CNTNAP2: variants seen among roughly 807,000 people sequenced by gnomAD.
The protein encoded by CNTNAP2 is contactin-associated protein-like 2.
Under a neutral mutation model 155.2 loss-of-function variants are expected in CNTNAP2, and 98 were observed. The ratio of observed to expected loss-of-function variants is 0.63; its 90% CI spans 0.54 to 0.75. CNTNAP2 has a LOEUF of 0.75. CNTNAP2 is among the 30% of genes least tolerant of loss of function. The pLI is 0.00. For synonymous variants in CNTNAP2, 651 were observed against 631.2 expected (o/e 1.03, Z -0.47); for missense variants, 1,727 against 1,688.1 (o/e 1.02, Z -0.40).
intron 13 of CNTNAP2, among the ~76,000 whole-genome samples, chr7:147,675,971 T>C (rs1279977726): frequency 1.3e-5 from 2 of 152,110 alleles, no homozygotes; most frequent in African/African-American, 4.8e-5. Context: ...TTGTATTAGA[T>C]AATAGCGTGC....
intron 17 of CNTNAP2, among the ~76,000 whole-genome samples, chr7:148,157,190 A>G (rs1208182433): frequency 1.3e-5 from 2 of 152,202 alleles, no homozygotes; most frequent in African/African-American, 4.8e-5. Context: ...AACCAATGGG[A>G]AACCTCTAGA....
intron 11 of CNTNAP2, among the ~76,000 whole-genome samples, chr7:147,488,245 A>G (rs4726875): frequency 0.62 from 93,541 of 152,048 alleles, 29,067 homozygotes; most frequent in African/African-American, 0.69. Flanking sequence ...TGCGAAATCA[A>G]TGACCACATT....
At chr7:148,067,912 G>A (rs1012214977) in intron 15 of CNTNAP2, among the ~76,000 whole-genome samples, 4 of 152,088 alleles carry the variant, frequency 2.6e-5, no homozygotes, top group African/African-American at 7.2e-5. Flanking sequence ...TGTCATATAG[G>A]TTTCCAGGGA....
chr7:148,126,676 G>A (rs926590824), intron 16 of CNTNAP2, among the ~76,000 whole-genome samples: 8 of 152,158 alleles, frequency 5.3e-5, no homozygotes, highest in African/African-American at 1.9e-4. Context: ...GAAGACAAGA[G>A]GTGAAATGGA....
At chr7:147,966,937 TA>T (rs1801225195) in intron 14 of CNTNAP2, among the ~76,000 whole-genome samples, 1 of 152,078 alleles carries the variant, frequency 6.6e-6, no homozygotes, top group African/African-American at 2.4e-5. Context: ...ATTTATTGGT[TA>T]TAAATAACGC....
chr7:147,738,484 A>C (rs1019618026), intron 13 of CNTNAP2, among the ~76,000 whole-genome samples: 1 of 152,192 alleles, frequency 6.6e-6, no homozygotes, highest in Non-Finnish European at 1.5e-5. Context: ...AAGTCATCAA[A>C]ATAGAGGCAA....
intron 15 of CNTNAP2, among the ~76,000 whole-genome samples, chr7:148,042,230 G>C (rs1187686167): frequency 6.6e-6 from 1 of 152,228 alleles, no homozygotes; most frequent in African/African-American, 2.4e-5. Flanking sequence ...GTAGCATTAA[G>C]TAGAGTCACG....
intron 15 of CNTNAP2, among the ~76,000 whole-genome samples, chr7:148,006,316 C>CTTTTTTTTTTTTTTTTTTTTTTTTTT (rs68011639): frequency 8.4e-6 from 1 of 118,990 alleles, no homozygotes; most frequent in Non-Finnish European, 1.8e-5. Flanking sequence ...ATAGGAAGTT[C>CTTTTTTTTTTTTTTTTTTTTTTTTTT]TTTTTTTTTT....
At chr7:147,080,435 T>G (rs1237970355) in intron 4 of CNTNAP2, among the ~76,000 whole-genome samples, 1 of 152,024 alleles carries the variant, frequency 6.6e-6, no homozygotes, top group Non-Finnish European at 1.5e-5. Flanking sequence ...GTTGATTAAG[T>G]GAAGAGACTT....
intron 21 of CNTNAP2, among the ~76,000 whole-genome samples, chr7:148,305,074 T>C (rs564908276): frequency 3.4e-5 from 5 of 145,228 alleles, no homozygotes; most frequent in Admixed American, 2.1e-4. Flanking sequence ...AAAAAAGACA[T>C]TAACTTGGTA....
intron 15 of CNTNAP2, among the ~76,000 whole-genome samples, chr7:148,103,738 T>G (rs1458095184): frequency 6.6e-6 from 1 of 152,202 alleles, no homozygotes; most frequent in Non-Finnish European, 1.5e-5. Flanking sequence ...TCATTTCCGT[T>G]TGGATGCACT....
Position 146,570,122 on chromosome 7 carries a change from T to C in CNTNAP2, c.98-204149T>C, listed in dbSNP as rs578183950. ...AGTTCTCTTTGCCCTATTTCAGCAC[T>C]GTTTGTACATAAATACACCTTATTA... On this transcript the variant is annotated intron_variant, in intron 1 of 23. Transcript: ENST00000361727. Among the ~76,000 whole-genome samples, 243 of 152,306 alleles carry C rather than the reference T, an allele frequency of 1.6e-3. 1 individual carries two copies. The highest frequency in any genetic ancestry group is 2.6e-3 in the Non-Finnish European group (174 of 68,018).
intron 13 of CNTNAP2, among the ~76,000 whole-genome samples, chr7:147,766,518 C>T (rs1356106146): frequency 3.3e-5 from 5 of 152,088 alleles, no homozygotes; most frequent in African/African-American, 9.6e-5. Flanking sequence ...CTCTGGTATC[C>T]GTGAGGGAGA....
chr7:147,946,874 A>C (rs1216127691), intron 14 of CNTNAP2, among the ~76,000 whole-genome samples: 1 of 152,204 alleles, frequency 6.6e-6, no homozygotes, highest in Non-Finnish European at 1.5e-5. Context: ...GGACATAGAG[A>C]AGGTAATTAA....
At chr7:146,737,521 C>T (rs879755596) in intron 1 of CNTNAP2, among the ~76,000 whole-genome samples, 1 of 152,008 alleles carries the variant, frequency 6.6e-6, no homozygotes, top group Non-Finnish European at 1.5e-5. Context: ...TGAGATGGAA[C>T]AGGTATAACG....
intron 18 of CNTNAP2, among the ~76,000 whole-genome samples, chr7:148,211,753 T>C (rs1795555562): frequency 3.3e-5 from 5 of 152,230 alleles, no homozygotes; most frequent in Admixed American, 2.6e-4. Flanking sequence ...ATTACTAATA[T>C]ACAGTGGCAC....
chr7:146,126,071 C>G (rs1376593663), intron 1 of CNTNAP2, among the ~76,000 whole-genome samples: 1 of 152,152 alleles, frequency 6.6e-6, no homozygotes, highest in Non-Finnish European at 1.5e-5. Flanking sequence ...CTTCAGTTTG[C>G]AAATGAAAAA....
chr7:146,805,475 G>C (rs1163175567), intron 2 of CNTNAP2, among the ~76,000 whole-genome samples: 3 of 152,110 alleles, frequency 2.0e-5, no homozygotes, highest in Non-Finnish European at 1.5e-5. Flanking sequence ...TAGAGAGCAG[G>C]GATGAGGAAC....
At position 148,419,458 on chromosome 7, in the gene CNTNAP2, C is replaced by G. The variant is rs542923838; in HGVS notation, c.*3842C>G. On this transcript the variant is annotated 3_prime_UTR_variant, in exon 24 of 24. Transcript: ENST00000361727. ...TTTTTGTTTTGTTTTGAGACGGAGT[C>G]TTGCTCTGTCCCCCAGGCTGGAGTG... 1 of 152,450 alleles carries G rather than the reference C, an allele frequency of 6.6e-6. No individual in the cohort carries two copies. Among genetic ancestry groups the G allele is most frequent in the East Asian group, 1.9e-4 (1 of 5,164 alleles). The allele number at this position is 152,450 out of a possible 1,614,324, so 9.4% of individuals were successfully genotyped here.
Sources: allele counts gnomAD v4.1 joint callset (sites outside exome capture counted in the v4.1 genomes callset), GRCh38; gene constraint gnomAD v4.1.1; transcripts MANE v1.5; gene names NCBI Gene and HGNC (gene_info 2026-07-23, HGNC 2026-07-21).